Variants in CDH18 observed in about 807,000 individuals in gnomAD.
The protein encoded by CDH18 is cadherin 18, also known as cadherin-18.
Under a neutral mutation model 67.9 loss-of-function variants are expected in CDH18, and 31 were observed. The ratio of observed to expected loss-of-function variants is 0.46; its 90% confidence interval spans 0.34 to 0.62. The LOEUF is 0.62. Among genes scored for constraint, CDH18 ranks in the 20% least tolerant of loss-of-function variants. The pLI is 0.01. For missense variants in CDH18, 890 were observed against 975.5 expected (o/e 0.91, Z 1.17); for synonymous variants, 362 against 347.2 (o/e 1.04, Z -0.48).
intron 3 of CDH18, among the ~76,000 whole-genome samples, chr5:19,759,305 T>G (rs1772030911): frequency 6.6e-6 from 1 of 152,180 alleles, no homozygotes; most frequent in Non-Finnish European, 1.5e-5. Context: ...TTTCAACTCC[T>G]TGATGGTGGC....
intron 1 of CDH18, among the ~76,000 whole-genome samples, chr5:20,541,022 G>GAGTA (rs1232927339): frequency 6.6e-6 from 1 of 152,200 alleles, no homozygotes; most frequent in Non-Finnish European, 1.5e-5. Context: ...TGGCCATTCG[G>GAGTA]AGTAGGGCTA....
At chr5:19,589,816 C>T (rs1468150234) in intron 7 of CDH18, among the ~76,000 whole-genome samples, 1 of 152,096 alleles carries the variant, frequency 6.6e-6, no homozygotes, top group African/African-American at 2.4e-5. Context: ...GTTTCACTCA[C>T]CTCAGGCACT....
In CDH18 at chr5:20,159,369, G is replaced by T. The variant is rs144010477; in HGVS notation, c.-518+96075C>A. On this transcript the variant is annotated intron_variant, in intron 2 of 14. Transcript: ENST00000507958. The stretch of plus-strand genomic sequence containing the variant: ...TCCTACCAATAAGAGGAGAAGTTGT[G>T]CCCTAGGAGGAGGAATCTGGGATGA... Among the ~76,000 whole-genome samples, 3 of 152,248 alleles carry T rather than the reference G, an allele frequency of 2.0e-5. No individual in the cohort carries two copies. The East Asian group carries it at 5.8e-4, about 29-fold the overall frequency.
At chr5:20,268,192 C>T (rs535023340) in intron 1 of CDH18, among the ~76,000 whole-genome samples, 1 of 152,202 alleles carries the variant, frequency 6.6e-6, no homozygotes, top group South Asian at 2.1e-4. Context: ...TTATCCAATC[C>T]ATTACTGATG....
At chr5:20,403,766 C>T (rs1745989936) in intron 1 of CDH18, among the ~76,000 whole-genome samples, 1 of 152,126 alleles carries the variant, frequency 6.6e-6, no homozygotes, top group Non-Finnish European at 1.5e-5. Context: ...TGGCAAGTGA[C>T]CATTGGCTTC....
At chr5:19,582,363 T>G (rs1743409229) in intron 7 of CDH18, among the ~76,000 whole-genome samples, 1 of 152,006 alleles carries the variant, frequency 6.6e-6, no homozygotes, top group Non-Finnish European at 1.5e-5. Context: ...ATAAACTGTA[T>G]TTTAGGAATA....
chr5:20,266,748 A>G (rs1435870426), intron 1 of CDH18, among the ~76,000 whole-genome samples: 7 of 151,806 alleles, frequency 4.6e-5, no homozygotes, highest in Non-Finnish European at 1.0e-4. Context: ...AAATCTAAAT[A>G]TTGAAAAGGA....
chr5:20,567,885 G>A (rs1223300804), intron 1 of CDH18, among the ~76,000 whole-genome samples: 6 of 152,082 alleles, frequency 3.9e-5, no homozygotes, highest in Admixed American at 3.9e-4. Context: ...CCTTGAATAA[G>A]AATAAAATGT....
intron 4 of CDH18, among the ~76,000 whole-genome samples, chr5:19,728,567 C>A (rs539273536): frequency 6.6e-6 from 1 of 152,148 alleles, no homozygotes; most frequent in Admixed American, 6.5e-5. Context: ...ATAAACAGCA[C>A]GTATTTTGCA....
chr5:19,914,679 G>C (rs763739556), intron 2 of CDH18, among the ~76,000 whole-genome samples: 1 of 151,962 alleles, frequency 6.6e-6, no homozygotes, highest in Non-Finnish European at 1.5e-5. Context: ...TAAGATAAAA[G>C]AATCAAATAA....
In CDH18 at chr5:20,425,664, G is replaced by A. The variant is rs141444958; in HGVS notation, c.-580+149798C>T. ...TGCTTTTGGTGTGTAGCAATCTGGAGATTGGGCGCAGAGCTGATTTTTGCT... is the reference window on the plus strand; with the variant it reads ...TGCTTTTGGTGTGTAGCAATCTGGAAATTGGGCGCAGAGCTGATTTTTGCT... On this transcript the variant is annotated intron_variant, in intron 1 of 14. Coordinates refer to the CDH18 transcript ENST00000507958. Among the ~76,000 whole-genome samples, 361 of 151,048 alleles carry A rather than the reference G, an allele frequency of 2.4e-3. 3 individuals are homozygous for A. Among genetic ancestry groups the A allele is most frequent in the Non-Finnish European group, 4.5e-3 (306 of 67,988 alleles).
intron 2 of CDH18, among the ~76,000 whole-genome samples, chr5:20,192,547 C>G (rs1738628426): frequency 6.6e-6 from 1 of 152,030 alleles, no homozygotes. Context: ...AGGAAGGGGT[C>G]CTGTTTCAGT....
At chr5:20,344,358 C>A (rs1450461110) in intron 1 of CDH18, among the ~76,000 whole-genome samples, 1 of 152,104 alleles carries the variant, frequency 6.6e-6, no homozygotes, top group Non-Finnish European at 1.5e-5. Flanking sequence ...GGAAGACTGA[C>A]AGTCAGATTT....
At chr5:20,554,557 C>A (rs1757800512) in intron 1 of CDH18, among the ~76,000 whole-genome samples, 1 of 152,194 alleles carries the variant, frequency 6.6e-6, no homozygotes, top group South Asian at 2.1e-4. Context: ...TATTTTATAT[C>A]TCCATCAATG....
intron 11 of CDH18, among the ~76,000 whole-genome samples, chr5:19,502,267 T>C (rs1251625172): frequency 6.6e-6 from 1 of 152,152 alleles, no homozygotes; most frequent in Non-Finnish European, 1.5e-5. Flanking sequence ...CATAATCAAA[T>C]ATATAGTTTG....
intron 2 of CDH18, among the ~76,000 whole-genome samples, chr5:20,172,707 G>T (rs554697959): frequency 3.0e-4 from 45 of 152,040 alleles, no homozygotes; most frequent in Non-Finnish European, 3.5e-4. Flanking sequence ...AATATCCATT[G>T]TCGGCAGGCA....
At chr5:20,056,464 A>ATTTTTTTTTTTTTTTTTTTTTTTTTTTT (rs1561753965) in intron 2 of CDH18, among the ~76,000 whole-genome samples, 1 of 22,074 alleles carries the variant, frequency 4.5e-5, no homozygotes, top group African/African-American at 1.9e-4. Context: ...ATTTTTCTTT[A>ATTTTTTTTTTTTTTTTTTTTTTTTTTTT]TTTTCTTTCT....
intron 1 of CDH18, among the ~76,000 whole-genome samples, chr5:20,543,382 C>A (rs1385097951): frequency 3.3e-5 from 5 of 151,864 alleles, no homozygotes; most frequent in African/African-American, 4.8e-5. Flanking sequence ...AGTTATATGA[C>A]AATATTTATA....
intron 2 of CDH18, among the ~76,000 whole-genome samples, chr5:19,918,668 T>C (rs554623478): frequency 1.2e-4 from 18 of 152,282 alleles, no homozygotes; most frequent in African/African-American, 4.1e-4. Context: ...GTGTATTTTG[T>C]AGCTACTTTA....
Sources: gnomAD v4.1 joint callset for allele counts (sites outside exome capture counted in the v4.1 genomes callset) on GRCh38, gnomAD v4.1.1 for gene constraint, MANE v1.5 for transcripts, NCBI Gene and HGNC (gene_info 2026-07-23, HGNC 2026-07-21) for gene names.